The following MYH15 variants were observed in gnomAD, a reference collection of about 807,000 sequenced individuals.
The protein encoded by MYH15 is myosin-15.
A neutral mutation model predicts 240.5 loss-of-function variants in MYH15; 227 were observed. The observed-to-expected ratio is 0.94, with a 90% CI of 0.85 to 1.05. The LOEUF is 1.05. Ranked by LOEUF, MYH15 falls within the 50% of genes least tolerant of loss-of-function variation. The pLI is 0.00. For missense variants in MYH15, 2,217 were observed against 2,247.5 expected (o/e 0.99, Z 0.27); for synonymous variants, 785 against 796.7 (o/e 0.99, Z 0.25).
chr3:108,441,383 CT>C (rs1166557388), intron 22 of MYH15, 123 bp from the exon 23 acceptor site: 1 of 1,051,688 alleles, frequency 9.5e-7, no homozygotes, highest in Non-Finnish European at 1.4e-6. Flanking sequence ...TTTCACCTAC[CT>C]TTCCTAAACA....
intron 14 of MYH15, among the ~76,000 whole-genome samples, chr3:108,466,582 C>T (rs980468436): frequency 1.3e-5 from 2 of 152,126 alleles, no homozygotes; most frequent in African/African-American, 4.8e-5. Context: ...TTCCTTATGG[C>T]AGGGACCATA....
chr3:108,539,088 T>G, the MYH15 span, among the ~76,000 whole-genome samples: 1 of 152,198 alleles, frequency 6.6e-6, no homozygotes, highest in Non-Finnish European at 1.5e-5. Flanking sequence ...CCAACACTGT[T>G]GCATTGTGTA....
intron 30 of MYH15, among the ~76,000 whole-genome samples, chr3:108,413,244 T>C (rs2082608101): frequency 6.6e-6 from 1 of 152,230 alleles, no homozygotes; most frequent in Non-Finnish European, 1.5e-5. Flanking sequence ...TCCAGAGTTT[T>C]GATAAAACAT....
chr3:108,446,804 C>T (rs374480258), intron 21 of MYH15, among the ~76,000 whole-genome samples: 11 of 152,064 alleles, frequency 7.2e-5, no homozygotes, highest in African/African-American at 2.7e-4. Flanking sequence ...AATGTACAGA[C>T]ATTTATGCAA....
intron 21 of MYH15, among the ~76,000 whole-genome samples, chr3:108,448,874 C>T (rs72939886): frequency 2.0e-5 from 3 of 149,894 alleles, no homozygotes; most frequent in African/African-American, 7.5e-5. Flanking sequence ...ACCCTAAAAA[C>T]CACCAAAAAA....
At chr3:108,382,106 T>A (rs1443408034) in intron 40 of MYH15, among the ~76,000 whole-genome samples, 3 of 152,154 alleles carry the variant, frequency 2.0e-5, no homozygotes, top group Admixed American at 6.6e-5. Context: ...CCCTTCAACC[T>A]CCTGCAGCTG....
intron 1 of MYH15, among the ~76,000 whole-genome samples, chr3:108,519,738 G>A (rs1443961401): frequency 6.6e-6 from 1 of 152,124 alleles, no homozygotes; most frequent in Non-Finnish European, 1.5e-5. Flanking sequence ...AGTGACCCAC[G>A]ATCTGCATAA....
the MYH15 span, among the ~76,000 whole-genome samples, chr3:108,549,431 G>A: frequency 2.8e-4 from 42 of 151,854 alleles, no homozygotes; most frequent in East Asian, 6.4e-3. Context: ...GCTGCAGTAC[G>A]GACTTTCTTC....
At chr3:108,382,941 C>T (rs1027290450) in intron 40 of MYH15, among the ~76,000 whole-genome samples, 2 of 152,122 alleles carry the variant, frequency 1.3e-5, no homozygotes, top group African/African-American at 4.8e-5. Context: ...AACAAGGAAG[C>T]CAAGACTACC....
Position 108,421,176 on chromosome 3 carries a change from G to C in MYH15, c.3741C>G (p.Arg1247=), listed in dbSNP as rs2082679956. 6.2e-7 allele frequency: 1 copy of C among 1,613,714 alleles called. No individual in the cohort carries two copies. The highest frequency in any genetic ancestry group is 8.5e-7 in the Non-Finnish European group (1 of 1,179,978). ...CTAGCTTTGCAGTTGCTTCATGCAA[G>C]CGCTCTTCATATAGAGTACAGAGTT... ...AEKLCTLYEE[R]LHEATAKLDK... is the part of the protein sequence containing the mutation. The change falls in exon 28 of 41, where the codon CGC becomes CGG. Residue 1247 remains arginine, a synonymous_variant. Coordinates refer to ENST00000693548, the MANE Select transcript of MYH15 (RefSeq NM_014981.3).
intron 25 of MYH15, among the ~76,000 whole-genome samples, chr3:108,434,845 T>G (rs1446440605): frequency 6.6e-6 from 1 of 152,202 alleles, no homozygotes; most frequent in African/African-American, 2.4e-5. Flanking sequence ...TGCTCTCCAT[T>G]AGCAGTGTGA....
chr3:108,492,732 A>G, intron 8 of MYH15, 137 bp from the exon 9 acceptor site: 1 of 622,334 alleles, frequency 1.6e-6, no homozygotes, highest in South Asian at 2.1e-5. Context: ...GAATCACTTG[A>G]GGCCAGGAGT....
intron 27 of MYH15, 96 bp downstream of exon 27, chr3:108,428,396 C>A (rs2107559930): frequency 1.0e-5 from 14 of 1,398,828 alleles, no homozygotes; most frequent in Non-Finnish European, 1.4e-5. Context: ...CACTGAGTCA[C>A]TAAGCTGGCT....
intron 32 of MYH15, among the ~76,000 whole-genome samples, chr3:108,406,834 T>C (rs2082550281): frequency 1.3e-5 from 2 of 152,212 alleles, no homozygotes; most frequent in Non-Finnish European, 1.5e-5. Context: ...ACCCACGTGA[T>C]GATCGACTGA....
chr3:108,464,869 T>G, intron 14 of MYH15, 55 bp from the exon 15 acceptor site: 1 of 1,465,476 alleles, frequency 6.8e-7, no homozygotes, highest in Non-Finnish European at 9.1e-7. Flanking sequence ...GCACTTTCAG[T>G]AGGGGGTCAG....
At chr3:108,438,433 C>T (rs926495464) in intron 24 of MYH15, among the ~76,000 whole-genome samples, 1 of 152,102 alleles carries the variant, frequency 6.6e-6, no homozygotes, top group Non-Finnish European at 1.5e-5. Context: ...TACTTTAAAA[C>T]AATGGAAGAT....
At position 108,470,232 on chromosome 3, in the gene MYH15, T is replaced by G. The variant is rs746975482; in HGVS notation, c.1384-20A>C. On this transcript the variant is annotated intron_variant, in intron 13 of 40. Coordinates refer to ENST00000693548, the MANE Select transcript of MYH15 (RefSeq NM_014981.3). ...ATTATACTTCAAGGATATGAATAGG[T>G]AAGAAGAAGAGATAAAAATAAAATT... The G allele has an allele frequency of 2.0e-6, 3 of 1,524,478 alleles. No homozygotes were observed. Among genetic ancestry groups the G allele is most frequent in the Admixed American group, 2.3e-5 (1 of 44,190 alleles). 94.4% of individuals were successfully genotyped at this position (1,524,478 alleles called of 1,614,324 possible).
chr3:108,394,163 A>G lies in MYH15; in HGVS notation c.5134-7T>C. ...GGCTGAGGAGGCTTGTGTTCTAAAG[A>G]AAAGCAGCATTCCTATTAGGCAAGT... On this transcript the variant is annotated splice_polypyrimidine_tract_variant and splice_region_variant and intron_variant, in intron 35 of 40. Coordinates refer to ENST00000693548, the MANE Select transcript of MYH15 (RefSeq NM_014981.3). 1.2e-6 allele frequency: 2 copies of G among 1,613,926 alleles called. No individual in the cohort carries two copies. Among genetic ancestry groups the G allele is most frequent in the Non-Finnish European group, 1.7e-6 (2 of 1,179,932 alleles).
upstream of MYH15, among the ~76,000 whole-genome samples, chr3:108,533,881 G>T (rs898640597): frequency 1.3e-5 from 2 of 152,216 alleles, no homozygotes; most frequent in African/African-American, 2.4e-5. Flanking sequence ...CCTGCAGGGG[G>T]TTTAAATACC....
Sources: allele counts gnomAD v4.1 joint callset (sites outside exome capture counted in the v4.1 genomes callset), GRCh38; gene constraint gnomAD v4.1.1; transcripts MANE v1.5; gene names NCBI Gene and HGNC (gene_info 2026-07-23, HGNC 2026-07-21).